Variants in AOPEP observed in about 807,000 individuals in gnomAD.
The protein encoded by AOPEP is aminopeptidase O.
Under a neutral mutation model 98.1 loss-of-function variants are expected in AOPEP, and 77 were observed. That is an observed-to-expected ratio of 0.78 (90% CI 0.65 to 0.95). The LOEUF is 0.95. AOPEP is among the 40% of genes least tolerant of loss of function. The pLI is 0.00. For synonymous variants in AOPEP, 346 were observed against 365.3 expected, an observed-to-expected ratio of 0.95 and a Z score of 0.60; for missense variants, 1,024 against 1,024.7, an observed-to-expected ratio of 1.00 and a Z score of 0.01.
At chr9:94,845,171 G>C (rs2042708649) in intron 5 of AOPEP, among the ~76,000 whole-genome samples, 1 of 152,212 alleles carries the variant, frequency 6.6e-6, no homozygotes, top group South Asian at 2.1e-4. Flanking sequence ...TTGGGAATAA[G>C]GAACCCTGCT....
intron 3 of AOPEP, among the ~76,000 whole-genome samples, chr9:94,781,088 A>G (rs574784089): frequency 3.3e-5 from 5 of 151,746 alleles, no homozygotes; most frequent in Admixed American, 6.6e-5. Context: ...AGCAGTTGTT[A>G]TTCTTTTTTT....
intron 10 of AOPEP, among the ~76,000 whole-genome samples, chr9:94,976,654 CTT>C (rs778133412): frequency 8.1e-5 from 11 of 136,230 alleles, no homozygotes; most frequent in African/African-American, 1.9e-4. Flanking sequence ...AAGACAGCCT[CTT>C]TTTTTTTTTT....
intron 1 of AOPEP, among the ~76,000 whole-genome samples, chr9:94,728,238 T>TGCGCGCGCGCGCGC (rs756011414): frequency 1.2e-5 from 1 of 80,866 alleles, no homozygotes; most frequent in Non-Finnish European, 2.3e-5. Flanking sequence ...CGTGCGCGCA[T>TGCGCGCGCGCGCGC]GCACACACAC....
intron 1 of AOPEP, among the ~76,000 whole-genome samples, chr9:94,729,897 G>A (rs1378327086): frequency 1.3e-5 from 2 of 152,168 alleles, no homozygotes; most frequent in Non-Finnish European, 2.9e-5. Flanking sequence ...GAAAGAGCTG[G>A]CAAGTAAGCA....
At chr9:94,855,220 G>A (rs2135281715) in intron 5 of AOPEP, among the ~76,000 whole-genome samples, 1 of 152,116 alleles carries the variant, frequency 6.6e-6, no homozygotes, top group East Asian at 2.0e-4. Context: ...TGGGACTACA[G>A]GCGTGTGCCA....
At chr9:95,010,170 T>C (rs941705210) in intron 13 of AOPEP, among the ~76,000 whole-genome samples, 1 of 152,210 alleles carries the variant, frequency 6.6e-6, no homozygotes, top group African/African-American at 2.4e-5. Flanking sequence ...AAGAGAATAC[T>C]TTTATTACAG....
At chr9:95,122,978 A>C in the AOPEP span, among the ~76,000 whole-genome samples, 1 of 152,174 alleles carries the variant, frequency 6.6e-6, no homozygotes, top group African/African-American at 2.4e-5. Context: ...TTCTCCAGGG[A>C]AAGTGAGGGT....
At chr9:94,751,440 A>G (rs1835755290) in intron 1 of AOPEP, among the ~76,000 whole-genome samples, 1 of 152,216 alleles carries the variant, frequency 6.6e-6, no homozygotes, top group African/African-American at 2.4e-5. Flanking sequence ...ACTAAGAAGC[A>G]CACATCTATG....
rs553464822 is a variant in AOPEP at position 94,936,615 on chromosome 9, A to G, written c.1661+8084A>G. Among the ~76,000 whole-genome samples, 5 of 152,324 alleles carry G rather than the reference A, an allele frequency of 3.3e-5. No homozygotes were observed. In the East Asian group the frequency reaches 9.6e-4, roughly 29 times the overall value. On this transcript the variant is annotated intron_variant, in intron 7 of 16. Coordinates refer to ENST00000375315, the MANE Select transcript of AOPEP (RefSeq NM_001193329.3). ...GGTTTCCCCACACACCAAGCAAGCAATAACTTCTGTAGTGGACACCAGCTG... is the reference window on the plus strand; with the variant it reads ...GGTTTCCCCACACACCAAGCAAGCAGTAACTTCTGTAGTGGACACCAGCTG...
intron 5 of AOPEP, among the ~76,000 whole-genome samples, chr9:94,834,573 G>A (rs559820752): frequency 3.3e-5 from 5 of 152,256 alleles, no homozygotes; most frequent in African/African-American, 9.6e-5. Flanking sequence ...CAGGTGAATC[G>A]CTTGAGGCCA....
chr9:95,101,999 G>A, the AOPEP span: 1 of 905,002 alleles, frequency 1.1e-6, no homozygotes, highest in Non-Finnish European at 1.7e-6. Flanking sequence ...AGGGGCTCTA[G>A]TTTGCAAGGT....
chr9:94,852,779 A>C (rs961774424), intron 5 of AOPEP, among the ~76,000 whole-genome samples: 1 of 152,254 alleles, frequency 6.6e-6, no homozygotes, highest in African/African-American at 2.4e-5. Context: ...TCCTGTTATT[A>C]ATCATCTTTA....
intron 5 of AOPEP, among the ~76,000 whole-genome samples, chr9:94,870,959 G>A (rs772164541): frequency 6.6e-6 from 1 of 152,154 alleles, no homozygotes; most frequent in African/African-American, 2.4e-5. Flanking sequence ...GCCATTGTCC[G>A]CTCCCTCAGC....
At chr9:94,758,908 AG>A (rs1837635085) in intron 1 of AOPEP, among the ~76,000 whole-genome samples, 1 of 137,710 alleles carries the variant, frequency 7.3e-6, no homozygotes, top group Admixed American at 7.6e-5. Context: ...TTCCTTTTAT[AG>A]GTATTTGCCT....
chr9:94,893,175 T>C (rs1169388331), intron 5 of AOPEP, among the ~76,000 whole-genome samples: 2 of 152,178 alleles, frequency 1.3e-5, no homozygotes, highest in Non-Finnish European at 2.9e-5. Context: ...AACTCTAGAG[T>C]ATTATTTTCT....
the AOPEP span, among the ~76,000 whole-genome samples, chr9:95,146,631 C>T: frequency 1.3e-5 from 2 of 151,686 alleles, no homozygotes; most frequent in African/African-American, 4.8e-5. Context: ...ACCTTGAATT[C>T]GGAAATGTGA....
At position 95,030,051 on chromosome 9, in the gene AOPEP, C is replaced by G. The variant is rs118184380; in HGVS notation, c.2115+24435C>G. 4.3e-3 allele frequency among the ~76,000 whole-genome samples: 660 copies of G among 152,252 alleles called. 4 individuals carry two copies. The highest frequency in any genetic ancestry group is 6.8e-3 in the Middle Eastern group (2 of 294). On this transcript the variant is annotated intron_variant, in intron 13 of 16. Transcript: ENST00000375315. Reference sequence around the variant, plus strand: ...CCTTTCCTGTATTTTTATTACAGTTCAGCATATTTAGTTTCTTGTTTTAAA... The same window carrying G: ...CCTTTCCTGTATTTTTATTACAGTTGAGCATATTTAGTTTCTTGTTTTAAA...
At chr9:94,988,971 C>T (rs570971639) in intron 11 of AOPEP, among the ~76,000 whole-genome samples, 4 of 150,006 alleles carry the variant, frequency 2.7e-5, no homozygotes, top group South Asian at 4.2e-4. Context: ...TGCAGTGGCG[C>T]AATCTTGACT....
At chr9:94,742,435 ATTC>A (rs1472910841) in intron 1 of AOPEP, among the ~76,000 whole-genome samples, 1 of 151,646 alleles carries the variant, frequency 6.6e-6, no homozygotes, top group Non-Finnish European at 1.5e-5. Flanking sequence ...GTTTATATTA[ATTC>A]TTTTTTTTTT....
Sources: allele counts gnomAD v4.1 joint callset (sites outside exome capture counted in the v4.1 genomes callset), GRCh38; gene constraint gnomAD v4.1.1; transcripts MANE v1.5; gene names NCBI Gene and HGNC (gene_info 2026-07-23, HGNC 2026-07-21).